Variants in MVB12B observed in about 807,000 individuals in gnomAD.
The protein encoded by MVB12B is ESCRT-I complex subunit MVB12B.
MVB12B carries 16 observed loss-of-function variants against 41.6 expected under a neutral mutation model. The ratio of observed to expected loss-of-function variants is 0.38; its 90% CI spans 0.26 to 0.58. The LOEUF (loss-of-function observed/expected upper bound fraction) is 0.58, where lower values mean the gene tolerates loss of function less well. Ranked by LOEUF, MVB12B falls within the 20% of genes least tolerant of loss-of-function variation. The pLI is 0.62. For synonymous variants in MVB12B, 133 were observed against 139.7 expected (o/e 0.95, Z 0.34); for missense variants, 274 against 380.2 (o/e 0.72, Z 2.32).
chr9:126,335,406 AG>A (rs1374545888), intron 1 of MVB12B: 2 of 1,304,128 alleles, frequency 1.5e-6, no homozygotes, highest in East Asian at 1.1e-4. Flanking sequence ...CCTTCTGAGG[AG>A]GTAGGTCTCT....
intron 6 of MVB12B, among the ~76,000 whole-genome samples, chr9:126,409,459 G>C (rs1831557776): frequency 1.1e-5 from 1 of 94,432 alleles, no homozygotes; most frequent in African/African-American, 4.4e-5. Flanking sequence ...CTCCTTTGCA[G>C]GATTTGTCAT....
In MVB12B at chr9:126,480,660, T is replaced by C. The variant is rs867470505; in HGVS notation, c.758-709T>C. 7.2e-5 allele frequency among the ~76,000 whole-genome samples: 11 copies of C among 152,150 alleles called. No homozygotes were observed. The highest frequency in any genetic ancestry group is 2.7e-4 in the African/African-American group (11 of 41,432). ...ACACTGGTGAGCCTCTAGTCAGCCC[T>C]TGATGCCCTGGGTCTGAGTGACTGA... On this transcript the variant is annotated intron_variant, in intron 7 of 9. Transcript: ENST00000361171. The surrounding 1 kb of genome is among the most constrained non-coding windows in gnomAD (Gnocchi z 4.9).
At chr9:126,416,682 C>T (rs1363281243) in intron 6 of MVB12B, among the ~76,000 whole-genome samples, 1 of 152,180 alleles carries the variant, frequency 6.6e-6, no homozygotes, top group South Asian at 2.1e-4. Flanking sequence ...TCATTAATAC[C>T]TAGCTTTCCC....
chr9:126,429,693 A>G (rs545481535), intron 7 of MVB12B, among the ~76,000 whole-genome samples: 1 of 152,316 alleles, frequency 6.6e-6, no homozygotes, highest in South Asian at 2.1e-4. Flanking sequence ...AAGAGTGCAA[A>G]TATTCATGTA....
intron 3 of MVB12B, 73 bp downstream of exon 3, chr9:126,381,244 T>G: frequency 2.7e-6 from 3 of 1,091,596 alleles, no homozygotes; most frequent in Non-Finnish European, 4.1e-6. Flanking sequence ...ATTTCCTCAT[T>G]TTGTTGTTGT....
At chr9:126,399,824 A>G (rs947286739) in intron 6 of MVB12B, among the ~76,000 whole-genome samples, 10 of 152,252 alleles carry the variant, frequency 6.6e-5, no homozygotes, top group African/African-American at 2.2e-4. Context: ...CAGATGATGC[A>G]GAGTCATTAG....
intron 8 of MVB12B, among the ~76,000 whole-genome samples, chr9:126,482,790 C>T (rs1461644792): frequency 3.3e-5 from 5 of 152,266 alleles, no homozygotes; most frequent in Non-Finnish European, 7.3e-5. Flanking sequence ...GAATGTGCTG[C>T]TGCCGGGCGC....
In MVB12B at chr9:126,376,677, C is replaced by T. The variant is rs555229212; in HGVS notation, c.205-4387C>T. ...GCCTGCCATTGCCATTCAGTGTGTA[C>T]GCTTGGTTACTCAATTACCCTCGTT... On this transcript the variant is annotated intron_variant, in intron 2 of 9. Coordinates refer to ENST00000361171, the MANE Select transcript of MVB12B (RefSeq NM_033446.3). The surrounding 1 kb of genome is among the most constrained non-coding windows in gnomAD (Gnocchi z 4.1). 453 of 1,281,602 alleles carry T rather than the reference C, an allele frequency of 3.5e-4. 2 individuals carry two copies. The Admixed American group carries it at 6.4e-3, about 18-fold the overall frequency. The allele number at this position is 1,281,602 out of a possible 1,614,324, so 79.4% of individuals were successfully genotyped here.
chr9:126,497,126 G>A (rs934619227), intron 9 of MVB12B, among the ~76,000 whole-genome samples: 1 of 152,138 alleles, frequency 6.6e-6, no homozygotes, highest in Non-Finnish European at 1.5e-5. Context: ...GCAGTGCCCA[G>A]ACACACAGGC....
At chr9:126,370,642 A>T (rs1830311764) in intron 2 of MVB12B, among the ~76,000 whole-genome samples, 2 of 152,024 alleles carry the variant, frequency 1.3e-5, no homozygotes, top group South Asian at 4.2e-4. Flanking sequence ...TCGACCTCCC[A>T]AAGTACTGGG....
intron 7 of MVB12B, among the ~76,000 whole-genome samples, chr9:126,447,269 T>C (rs1314878002): frequency 6.6e-6 from 1 of 151,324 alleles, no homozygotes; most frequent in Non-Finnish European, 1.5e-5. Context: ...TTTTTTAACT[T>C]TCTATTTATT....
rs1426406258 is a variant in MVB12B at position 126,486,770 on chromosome 9, G to A, written c.873+2738G>A. On this transcript the variant is annotated intron_variant, in intron 9 of 9. Transcript: ENST00000361171. This position sits in a 1 kb window ranked among gnomAD's most constrained non-coding sequence, Gnocchi z 4.7. ...CCGAGAGGTGGAGTAACTGGCCAAA[G>A]ACAAGGTGGAGACCCAGTGTGTCGT... is the stretch of plus-strand genomic sequence containing the variant. 6.6e-6 allele frequency among the ~76,000 whole-genome samples: 1 copy of A among 151,032 alleles called. No homozygotes were observed. The highest frequency in any genetic ancestry group is 1.5e-5 in the Non-Finnish European group (1 of 67,374).
intron 7 of MVB12B, among the ~76,000 whole-genome samples, chr9:126,452,899 G>C (rs532788203): frequency 6.6e-6 from 1 of 152,276 alleles, no homozygotes; most frequent in African/African-American, 2.4e-5. Context: ...GCAAATTGCA[G>C]TCTAGTTCTT....
At chr9:126,403,631 G>A (rs558464496) in intron 6 of MVB12B, among the ~76,000 whole-genome samples, 2 of 152,304 alleles carry the variant, frequency 1.3e-5, no homozygotes, top group East Asian at 1.9e-4. Context: ...TAGCAATGAT[G>A]ATCATATTGC....
rs548691935 is a variant in MVB12B, at chr9:126,459,485, C to A, written c.758-21884C>A. Among the ~76,000 whole-genome samples the A allele has an allele frequency of 6.6e-6, 1 of 152,204 alleles. No homozygotes were observed. The highest frequency in any genetic ancestry group is 2.4e-5 in the African/African-American group (1 of 41,436). On this transcript the variant is annotated intron_variant, in intron 7 of 9. Transcript: ENST00000361171. The surrounding 1 kb of genome is among the most constrained non-coding windows in gnomAD (Gnocchi z 4.3). ...GTTGCTTCAGAAAGGCTTCACAGAA[C>A]TGTGCCTGTGAGACCACGAGACCCT...
intron 9 of MVB12B, among the ~76,000 whole-genome samples, chr9:126,502,728 G>A (rs1369214463): frequency 1.3e-5 from 2 of 152,186 alleles, no homozygotes; most frequent in Non-Finnish European, 2.9e-5. Flanking sequence ...AGCATATCAG[G>A]GGTCCCTAGA....
chr9:126,373,546 C>G (rs1830398777), intron 2 of MVB12B, among the ~76,000 whole-genome samples: 1 of 152,196 alleles, frequency 6.6e-6, no homozygotes, highest in African/African-American at 2.4e-5. Flanking sequence ...GCTGAATACA[C>G]CTTTGAATTG....
At position 126,444,571 on chromosome 9, in the gene MVB12B, A is replaced by G. The variant is rs529408268; in HGVS notation, c.757+22623A>G. 4.6e-5 allele frequency among the ~76,000 whole-genome samples: 7 copies of G among 152,294 alleles called. No individual in the cohort carries two copies. In the South Asian group the frequency reaches 1.0e-3, roughly 23 times the overall value. On this transcript the variant is annotated intron_variant, in intron 7 of 9. Coordinates refer to ENST00000361171, the MANE Select transcript of MVB12B (RefSeq NM_033446.3). ...GAGTTGCAGGAGCTCCTCTTGCAACAAGGCCTTCTTTTGCTCTCACATTAC... is the reference window on the plus strand; with the variant it reads ...GAGTTGCAGGAGCTCCTCTTGCAACGAGGCCTTCTTTTGCTCTCACATTAC...
intron 6 of MVB12B, among the ~76,000 whole-genome samples, chr9:126,414,211 T>C (rs1831740122): frequency 6.6e-6 from 1 of 152,202 alleles, no homozygotes; most frequent in Non-Finnish European, 1.5e-5. Flanking sequence ...TTAGTGGCCA[T>C]GTTAATTGAA....
Sources: gnomAD v4.1 joint callset for allele counts (sites outside exome capture counted in the v4.1 genomes callset) on GRCh38, gnomAD v4.1.1 for gene constraint, Gnocchi (gnomAD v3.1) non-coding constraint, MANE v1.5 for transcripts, NCBI Gene and HGNC (gene_info 2026-07-23, HGNC 2026-07-21) for gene names.